CEP128: variants seen among roughly 807,000 people sequenced by gnomAD.
CEP128 encodes centrosomal protein 128kDa.
Under a neutral mutation model 156.7 loss-of-function variants are expected in CEP128, and 132 were observed. The ratio of observed to expected loss-of-function variants is 0.84; its 90% CI spans 0.73 to 0.97. The LOEUF (loss-of-function observed/expected upper bound fraction) is 0.97, where lower values mean the gene tolerates loss of function less well. Ranked by LOEUF, CEP128 falls within the 50% of genes least tolerant of loss-of-function variation. CEP128 has a pLI of 0.00. For missense variants in CEP128, 1,252 were observed against 1,281.9 expected, an observed-to-expected ratio of 0.98 and a Z score of 0.36; for synonymous variants, 469 against 448.9, an observed-to-expected ratio of 1.04 and a Z score of -0.57.
intron 19 of CEP128, among the ~76,000 whole-genome samples, chr14:80,671,960 G>A (rs1895861357): frequency 6.6e-6 from 1 of 152,040 alleles, no homozygotes. Flanking sequence ...AAACTGACAG[G>A]CCTCTGAAGT....
upstream of CEP128, among the ~76,000 whole-genome samples, chr14:80,945,112 G>C (rs943252733): frequency 2.6e-5 from 4 of 152,068 alleles, no homozygotes; most frequent in Non-Finnish European, 5.9e-5. Flanking sequence ...AATTCTGAAG[G>C]CTGCAAGTCC....
intron 16 of CEP128, among the ~76,000 whole-genome samples, chr14:80,766,984 AG>A (rs1900271246): frequency 6.6e-6 from 1 of 152,172 alleles, no homozygotes; most frequent in Non-Finnish European, 1.5e-5. Context: ...TCATAACTCA[AG>A]ATAAAACTGT....
intron 1 of CEP128, among the ~76,000 whole-genome samples, chr14:80,940,043 A>C (rs1886060206): frequency 6.6e-6 from 1 of 152,238 alleles, no homozygotes; most frequent in Admixed American, 6.5e-5. Flanking sequence ...CTGTGGACAG[A>C]AATATTTTCA....
At chr14:80,697,531 G>A (rs1455201003) in intron 19 of CEP128, among the ~76,000 whole-genome samples, 1 of 151,942 alleles carries the variant, frequency 6.6e-6, no homozygotes, top group African/African-American at 2.4e-5. Context: ...CCTCACAATT[G>A]ATTTTATTCT....
chr14:80,628,728 C>T (rs969574646), intron 19 of CEP128, among the ~76,000 whole-genome samples: 3 of 152,098 alleles, frequency 2.0e-5, no homozygotes, highest in Non-Finnish European at 4.4e-5. Flanking sequence ...GGGTAACATA[C>T]CTGATTAGGT....
intron 21 of CEP128, among the ~76,000 whole-genome samples, chr14:80,537,514 A>G (rs539025218): frequency 8.9e-4 from 135 of 152,262 alleles, no homozygotes; most frequent in African/African-American, 3.1e-3. Context: ...GACTAGTTTA[A>G]TGTTCTCTGT....
At chr14:80,828,793 G>C (rs1183734543) in intron 13 of CEP128, among the ~76,000 whole-genome samples, 1 of 152,118 alleles carries the variant, frequency 6.6e-6, no homozygotes, top group Non-Finnish European at 1.5e-5. Flanking sequence ...TAAATCATAA[G>C]AACTGTTACT....
chr14:80,578,804 G>A (rs1289003514), intron 20 of CEP128, among the ~76,000 whole-genome samples: 1 of 152,060 alleles, frequency 6.6e-6, no homozygotes, highest in Admixed American at 6.6e-5. Context: ...CTGGACTCTT[G>A]TGCATTCCGA....
chr14:80,676,723 AT>A (rs1179334867), intron 19 of CEP128, among the ~76,000 whole-genome samples: 1 of 152,070 alleles, frequency 6.6e-6, no homozygotes, highest in African/African-American at 2.4e-5. Context: ...ATTTATTAAG[AT>A]TTTTTGTAAC....
At chr14:80,955,770 G>C in intron 2 of CEP128, 3 of 1,614,228 alleles carry the variant, frequency 1.9e-6, no homozygotes, top group Non-Finnish European at 2.5e-6. Flanking sequence ...CACCCTGCGA[G>C]TGCCATCAGG....
At chr14:80,823,137 T>C (rs1885279738) in intron 13 of CEP128, among the ~76,000 whole-genome samples, 2 of 152,154 alleles carry the variant, frequency 1.3e-5, no homozygotes, top group Admixed American at 1.3e-4. Flanking sequence ...TGTCCTCTTC[T>C]CCCTTTCCAT....
Position 80,831,296 on chromosome 14 carries a change from T to C in CEP128, c.1058-2A>G. ...GGTCCTGTTTTTCCCGCTCAACCCC[T>C]TAAAAGATAAAATGTAAGGCTCAAG... is the stretch of plus-strand genomic sequence containing the variant. On this transcript the variant is annotated splice_acceptor_variant, in intron 12 of 24. Coordinates refer to ENST00000555265, the MANE Select transcript of CEP128 (RefSeq NM_152446.5). LOFTEE classifies it high-confidence loss of function. The C allele has an allele frequency of 1.2e-6, 2 of 1,613,776 alleles. No homozygotes were observed. Among genetic ancestry groups the C allele is most frequent in the Non-Finnish European group, 1.7e-6 (2 of 1,179,820 alleles).
intron 19 of CEP128, among the ~76,000 whole-genome samples, chr14:80,616,997 C>T (rs1022136018): frequency 6.6e-6 from 1 of 152,010 alleles, no homozygotes; most frequent in Non-Finnish European, 1.5e-5. Flanking sequence ...TCATATGGTC[C>T]CAGTGGAAAT....
intron 19 of CEP128, among the ~76,000 whole-genome samples, chr14:80,640,162 AAG>A: frequency 6.6e-6 from 1 of 152,274 alleles, no homozygotes; most frequent in East Asian, 1.9e-4. Flanking sequence ...AAACACAAAT[AAG>A]TCTGAATCAG....
chr14:80,506,156 G>A (rs745665557), intron 23 of CEP128, among the ~76,000 whole-genome samples: 4 of 151,992 alleles, frequency 2.6e-5, no homozygotes, highest in Non-Finnish European at 5.9e-5. Context: ...AAAGCAGAAG[G>A]TAAGGAGAAG....
rs897838019 is a variant in CEP128 at position 80,777,349 on chromosome 14, G to C, written c.2376+533C>G. Among the ~76,000 whole-genome samples the C allele has an allele frequency of 2.6e-5, 4 of 152,292 alleles. No individual in the cohort carries two copies. In the South Asian group the frequency reaches 8.3e-4, roughly 32 times the overall value. ...CTTCTGTTATGTGAAGACACAGCAAGAAGAAGCATCTGTGAACCAAAAGGC... is the reference window on the plus strand; with the variant it reads ...CTTCTGTTATGTGAAGACACAGCAACAAGAAGCATCTGTGAACCAAAAGGC... On this transcript the variant is annotated intron_variant, in intron 16 of 24. Coordinates refer to ENST00000555265, the MANE Select transcript of CEP128 (RefSeq NM_152446.5).
At chr14:80,571,487 A>T (rs1891137219) in intron 20 of CEP128, among the ~76,000 whole-genome samples, 1 of 152,210 alleles carries the variant, frequency 6.6e-6, no homozygotes, top group African/African-American at 2.4e-5. Flanking sequence ...AACAAATTAA[A>T]TCTAGAATAG....
At chr14:80,642,908 C>A (rs1195829730) in intron 19 of CEP128, among the ~76,000 whole-genome samples, 5 of 151,990 alleles carry the variant, frequency 3.3e-5, no homozygotes, top group Non-Finnish European at 7.4e-5. Context: ...GCACGTGCCA[C>A]CACGCCTGGC....
Position 80,895,795 on chromosome 14 carries a change from G to GATGA in CEP128, c.573-6_573-5insTCAT. ...CTTTTTGTTTCGGCATCTGACCTAG[G>GATGA]AAGAAAAAAAAAAAAAAGATTTAAA... is the stretch of plus-strand genomic sequence containing the variant. On this transcript the variant is annotated splice_region_variant and splice_polypyrimidine_tract_variant and intron_variant, in intron 7 of 24. Coordinates refer to ENST00000555265, the MANE Select transcript of CEP128 (RefSeq NM_152446.5). The GATGA allele has an allele frequency of 9.4e-7, 1 of 1,058,222 alleles. No homozygotes were observed. Among genetic ancestry groups the GATGA allele is most frequent in the Non-Finnish European group, 1.2e-6 (1 of 832,688 alleles). The allele number at this position is 1,058,222 out of a possible 1,614,324, so 65.6% of individuals were successfully genotyped here. A position where few individuals can be genotyped will look rare whatever the true frequency, so the allele number is the denominator to read the frequency against.
Sources: gnomAD v4.1 joint callset for allele counts (sites outside exome capture counted in the v4.1 genomes callset) on GRCh38, gnomAD v4.1.1 for gene constraint, MANE v1.5 for transcripts, NCBI Gene and HGNC (gene_info 2026-07-23, HGNC 2026-07-21) for gene names.